Variants in MYH15 observed in about 807,000 individuals in gnomAD.
The protein encoded by MYH15 is myosin-15.
Under a neutral mutation model 240.5 loss-of-function variants are expected in MYH15, and 227 were observed. That is an observed-to-expected ratio of 0.94 (90% CI 0.85 to 1.05). The LOEUF is 1.05. Ranked by LOEUF, MYH15 falls within the 50% of genes least tolerant of loss-of-function variation. MYH15 has a pLI of 0.00. For synonymous variants in MYH15, 785 were observed against 796.7 expected (o/e 0.99, Z 0.25); for missense variants, 2,217 against 2,247.5 (o/e 0.99, Z 0.27).
At chr3:108,388,289 A>G (rs2082398414) in intron 38 of MYH15, among the ~76,000 whole-genome samples, 1 of 152,216 alleles carries the variant, frequency 6.6e-6, no homozygotes. Flanking sequence ...CAGAGAATCT[A>G]TGTTGACTGC....
At chr3:108,525,543 T>C (rs1297632165) in intron 1 of MYH15, among the ~76,000 whole-genome samples, 2 of 152,134 alleles carry the variant, frequency 1.3e-5, no homozygotes, top group African/African-American at 4.8e-5. Context: ...CTCGTGAACC[T>C]GGTAAAATGA....
intron 22 of MYH15, among the ~76,000 whole-genome samples, chr3:108,444,393 T>G (rs1215520586): frequency 1.3e-5 from 2 of 152,156 alleles, no homozygotes; most frequent in South Asian, 4.1e-4. Flanking sequence ...CTGGCCTCCA[T>G]GATGTGCTAT....
At chr3:108,405,669 G>A (rs1576212750) in intron 32 of MYH15, among the ~76,000 whole-genome samples, 1 of 152,146 alleles carries the variant, frequency 6.6e-6, no homozygotes, top group South Asian at 2.1e-4. Flanking sequence ...TCTTTCAGCT[G>A]TAGCTCCAGA....
At chr3:108,416,569 AG>A (rs1481592446) in intron 29 of MYH15, among the ~76,000 whole-genome samples, 1 of 152,156 alleles carries the variant, frequency 6.6e-6, no homozygotes, top group Non-Finnish European at 1.5e-5. Context: ...CTTCTGTTCA[AG>A]TACTTATACA....
At chr3:108,504,911 C>A (rs752433220) in intron 2 of MYH15, among the ~76,000 whole-genome samples, 2 of 152,198 alleles carry the variant, frequency 1.3e-5, no homozygotes, top group Non-Finnish European at 2.9e-5. Context: ...CCTTTTCTTA[C>A]AAAGGTCATA....
upstream of MYH15, among the ~76,000 whole-genome samples, chr3:108,533,526 T>C (rs1226577567): frequency 6.6e-6 from 1 of 152,120 alleles, no homozygotes; most frequent in Non-Finnish European, 1.5e-5. Context: ...TAAAGTCCTA[T>C]ACAAATATTG....
chr3:108,424,953 T>C (rs746725743), intron 27 of MYH15, among the ~76,000 whole-genome samples: 6 of 152,222 alleles, frequency 3.9e-5, no homozygotes, highest in Non-Finnish European at 7.3e-5. Context: ...TACGTAAAAG[T>C]TGATGCTAGT....
chr3:108,473,298 C>T (rs1027319518), intron 12 of MYH15, among the ~76,000 whole-genome samples: 3 of 152,180 alleles, frequency 2.0e-5, no homozygotes, highest in African/African-American at 7.2e-5. Flanking sequence ...CGTGAGCCAC[C>T]GTGCCCAGCC....
chr3:108,513,888 A>G (rs2083539381), upstream of MYH15, among the ~76,000 whole-genome samples: 1 of 152,220 alleles, frequency 6.6e-6, no homozygotes, highest in Non-Finnish European at 1.5e-5. Flanking sequence ...AGTTTGTAAC[A>G]CAGCAAAATA....
At chr3:108,517,190 C>A (rs2083580264) in intron 1 of MYH15, among the ~76,000 whole-genome samples, 1 of 152,200 alleles carries the variant, frequency 6.6e-6, no homozygotes, top group South Asian at 2.1e-4. Flanking sequence ...TCCCTCTTTT[C>A]ACTAGTTTCT....
At chr3:108,547,900 T>C in the MYH15 span, among the ~76,000 whole-genome samples, 1 of 152,214 alleles carries the variant, frequency 6.6e-6, no homozygotes, top group Non-Finnish European at 1.5e-5. Flanking sequence ...AAATTACTTA[T>C]TATTTCCAAA....
intron 25 of MYH15, among the ~76,000 whole-genome samples, chr3:108,433,378 G>A (rs1292599612): frequency 1.3e-5 from 2 of 152,214 alleles, no homozygotes; most frequent in Non-Finnish European, 2.9e-5. Context: ...GACTTGCCTT[G>A]TCTTGGATAA....
At chr3:108,528,995 A>G (rs746363983) in intron 1 of MYH15, among the ~76,000 whole-genome samples, 10 of 152,206 alleles carry the variant, frequency 6.6e-5, no homozygotes, top group African/African-American at 1.4e-4. Flanking sequence ...GGGAAGTGAG[A>G]AGTTGTGTGT....
At chr3:108,493,322 A>C in intron 7 of MYH15, 145 bp from the exon 8 acceptor site, 1 of 639,760 alleles carries the variant, frequency 1.6e-6, no homozygotes, top group Non-Finnish European at 2.7e-6. Flanking sequence ...AAAAAGAAAG[A>C]AAGAAAAGAA....
the MYH15 span, among the ~76,000 whole-genome samples, chr3:108,535,039 G>A: frequency 6.6e-6 from 1 of 152,094 alleles, no homozygotes; most frequent in Non-Finnish European, 1.5e-5. Flanking sequence ...ACCAACTGGG[G>A]TCTATTATCT....
chr3:108,485,515 A>G (rs2083298966), intron 10 of MYH15, among the ~76,000 whole-genome samples: 2 of 152,324 alleles, frequency 1.3e-5, no homozygotes, highest in East Asian at 1.9e-4. Context: ...GCAACAGATC[A>G]CTAACTGGCT....
the MYH15 span, among the ~76,000 whole-genome samples, chr3:108,534,546 T>C: frequency 5.1e-4 from 78 of 152,220 alleles, 1 homozygote; most frequent in Admixed American, 5.1e-3. Flanking sequence ...TTACAAGTTG[T>C]TTCTGAAGCT....
chr3:108,461,038 T>C lies in MYH15; in HGVS notation c.1865-671A>G, dbSNP rs570266301. On this transcript the variant is annotated intron_variant, in intron 16 of 40. Coordinates refer to ENST00000693548, the MANE Select transcript of MYH15 (RefSeq NM_014981.3). The stretch of plus-strand genomic sequence containing the variant: ...AAATAATAAGTCTATTTCCATTTTC[T>C]TGAAGAAAAAGAACCTGTGCTAGGC... Among the ~76,000 whole-genome samples, 13 of 152,344 alleles carry C rather than the reference T, an allele frequency of 8.5e-5. 1 individual carries two copies. The South Asian group carries it at 2.7e-3, about 32-fold the overall frequency.
intron 3 of MYH15, among the ~76,000 whole-genome samples, chr3:108,500,774 C>T (rs1345829301): frequency 6.6e-6 from 1 of 152,182 alleles, no homozygotes; most frequent in Non-Finnish European, 1.5e-5. Flanking sequence ...ATAGTCTTTA[C>T]AAATGTAATT....
Sources: allele counts gnomAD v4.1 joint callset (sites outside exome capture counted in the v4.1 genomes callset), GRCh38; gene constraint gnomAD v4.1.1; transcripts MANE v1.5; gene names NCBI Gene and HGNC (gene_info 2026-07-23, HGNC 2026-07-21).